The following CFAP61 variants were observed in gnomAD, a reference collection of about 807,000 sequenced individuals.
CFAP61 encodes the protein cilia- and flagella-associated protein 61.
In CFAP61, 107 loss-of-function variants were observed where a neutral mutation model predicts 135.6. The observed-to-expected ratio is 0.79, with a 90% confidence interval of 0.67 to 0.93. The LOEUF is 0.93. Among genes scored for constraint, CFAP61 ranks in the 40% least tolerant of loss-of-function variants. The pLI is 0.00. For synonymous variants in CFAP61, 575 were observed against 578.5 expected, an observed-to-expected ratio of 0.99 and a Z score of 0.09; for missense variants, 1,507 against 1,556.2, an observed-to-expected ratio of 0.97 and a Z score of 0.53.
intron 8 of CFAP61, among the ~76,000 whole-genome samples, chr20:20,100,340 T>C (rs2047934285): frequency 6.6e-6 from 1 of 151,964 alleles, no homozygotes; most frequent in African/African-American, 2.4e-5. Context: ...GCCCAGCTAA[T>C]TTTTGTATTT....
At chr20:20,353,810 G>T (rs895132907) in intron 26 of CFAP61, among the ~76,000 whole-genome samples, 1 of 152,186 alleles carries the variant, frequency 6.6e-6, no homozygotes, top group Non-Finnish European at 1.5e-5. Flanking sequence ...TTGTTAGTAT[G>T]GCTGTTATAG....
At chr20:20,115,035 CTTT>C (rs2049043779) in intron 8 of CFAP61, among the ~76,000 whole-genome samples, 1 of 152,026 alleles carries the variant, frequency 6.6e-6, no homozygotes, top group Non-Finnish European at 1.5e-5. Flanking sequence ...CATTGATTGA[CTTT>C]TTTATGTATT....
chr20:20,337,318 A>G (rs137987291), intron 25 of CFAP61, among the ~76,000 whole-genome samples: 3,055 of 13,466 alleles, frequency 0.23, 1,058 homozygotes, highest in South Asian at 0.62. Context: ...GGATGGATGG[A>G]TGGATGGATG....
At chr20:20,103,629 C>T (rs1051011015) in intron 8 of CFAP61, among the ~76,000 whole-genome samples, 2 of 152,178 alleles carry the variant, frequency 1.3e-5, no homozygotes, top group Admixed American at 6.5e-5. Context: ...TTATTGAATA[C>T]ATATCAAGAT....
rs375364921 is a variant in CFAP61, at chr20:20,169,362, C to T, written c.1287C>T (p.Pro429=). ...FCVISLPHLT[P]EFFLIQNFVK... ...TAATTTCTCTGCCCCATCTCACCCC[C>T]GAGTTCTTCCTCATCCAGAACTTCG... The change falls in exon 13 of 27, where the codon CCC becomes CCT. Residue 429 remains proline, a synonymous_variant. Transcript: ENST00000245957. 1.5e-5 allele frequency: 25 copies of T among 1,613,678 alleles called. No homozygotes were observed. Among genetic ancestry groups the T allele is most frequent in the Admixed American group, 5.0e-5 (3 of 59,980 alleles).
In CFAP61 at chr20:20,098,748, C is replaced by G. The variant is rs759053384; in HGVS notation, c.793C>G (p.Leu265Val). 1 of 1,614,046 alleles carries G rather than the reference C, an allele frequency of 6.2e-7. No homozygotes were observed. Among genetic ancestry groups the G allele is most frequent in the Non-Finnish European group, 8.5e-7 (1 of 1,179,998 alleles). Residue 265 changes from leucine (L) to valine (V), a missense_variant, in exon 8 of 27, where the codon CTC becomes GTC. Transcript: ENST00000245957. The stretch of plus-strand genomic sequence containing the variant: ...CTTTGACTTGGGCCCTTTCCACGGA[C>G]TCTGTTTCCCACATCCTGATGACGT... ...ECFDLGPFHG[L>V]CFPHPDDVLE... is the part of the protein sequence containing the mutation.
At chr20:20,071,139 T>G in intron 3 of CFAP61, 135 bp downstream of exon 3, 1 of 918,582 alleles carries the variant, frequency 1.1e-6, no homozygotes, top group South Asian at 1.9e-5. Flanking sequence ...AGGGAGCTGG[T>G]GGGGAGGAAA....
At chr20:20,228,657 C>A (rs1016410650) in intron 18 of CFAP61, 2 of 269,422 alleles carry the variant, frequency 7.4e-6, no homozygotes, top group Non-Finnish European at 7.2e-6. Flanking sequence ...TTTTGTGCTA[C>A]AATAGCAGAT....
At chr20:20,074,447 A>G (rs564481545) in intron 4 of CFAP61, 69 bp downstream of exon 4, 1 of 1,350,918 alleles carries the variant, frequency 7.4e-7, no homozygotes, top group Non-Finnish European at 1.1e-6. Flanking sequence ...AATATTTTTT[A>G]AAAGACATGA....
At chr20:20,116,887 T>C (rs2049185941) in intron 8 of CFAP61, among the ~76,000 whole-genome samples, 1 of 152,192 alleles carries the variant, frequency 6.6e-6, no homozygotes, top group Non-Finnish European at 1.5e-5. Context: ...ACTCCTGGGC[T>C]GAAGTGATAT....
At chr20:20,249,052 G>C (rs1449768500) in intron 19 of CFAP61, among the ~76,000 whole-genome samples, 2 of 152,120 alleles carry the variant, frequency 1.3e-5, no homozygotes, top group Non-Finnish European at 2.9e-5. Context: ...GCCTAGTGGA[G>C]GTATTTCTCT....
At chr20:20,175,478 T>G (rs13037006) in intron 13 of CFAP61, among the ~76,000 whole-genome samples, 66,545 of 148,186 alleles carry the variant, frequency 0.45, 15,759 homozygotes, top group Middle Eastern at 0.57. Flanking sequence ...GGGCTTCTGG[T>G]TTTTTTTTTG....
intron 26 of CFAP61, among the ~76,000 whole-genome samples, chr20:20,345,883 CTTTTTTTTTTTTTTTTT>C (rs756813997): frequency 2.0e-5 from 1 of 50,428 alleles, no homozygotes; most frequent in Admixed American, 3.6e-4. Flanking sequence ...GATTGTGCCA[CTTTTTTTTTTTTTTTTT>C]TTTTTTTTTT....
At chr20:20,181,930 G>A (rs2055130238) in intron 13 of CFAP61, among the ~76,000 whole-genome samples, 3 of 152,204 alleles carry the variant, frequency 2.0e-5, no homozygotes, top group African/African-American at 7.2e-5. Context: ...CCACCATAAT[G>A]GCTAAAATGA....
chr20:20,301,303 A>G (rs1025119352), intron 25 of CFAP61, among the ~76,000 whole-genome samples: 2 of 152,204 alleles, frequency 1.3e-5, no homozygotes, highest in African/African-American at 4.8e-5. Context: ...AGTATTCAGT[A>G]TAGAAACCTG....
At chr20:20,262,654 G>A (rs932283819) in intron 20 of CFAP61, among the ~76,000 whole-genome samples, 6 of 152,150 alleles carry the variant, frequency 3.9e-5, no homozygotes, top group Non-Finnish European at 8.8e-5. Context: ...TCCCCACCTT[G>A]CCCTGTCTGA....
In CFAP61 at chr20:20,074,389, A is replaced by G. The variant is rs776260921; in HGVS notation, c.371+11A>G. On this transcript the variant is annotated intron_variant, in intron 4 of 26. Transcript: ENST00000245957. ...CAAAGAGATTCTTCGGTGAGTGGAT[A>G]TGGCCGTGCAGTGGTGAACATGAAA... The G allele has an allele frequency of 4.3e-6, 7 of 1,610,496 alleles. No homozygotes were observed. Among genetic ancestry groups the G allele is most frequent in the Non-Finnish European group, 4.2e-6 (5 of 1,176,788 alleles).
intron 2 of CFAP61, among the ~76,000 whole-genome samples, chr20:20,067,753 TTATATTATTA>T (rs1461068138): frequency 7.0e-6 from 1 of 142,202 alleles, no homozygotes; most frequent in South Asian, 2.2e-4. Flanking sequence ...TAATATATAT[TTATATTATTA>T]TATATGTATT....
chr20:20,166,087 C>A (rs934838231), intron 11 of CFAP61, among the ~76,000 whole-genome samples: 5 of 152,190 alleles, frequency 3.3e-5, no homozygotes, highest in Non-Finnish European at 7.3e-5. Context: ...ATATTTCCCA[C>A]CTCTCCTCTT....
Sources: gnomAD v4.1 joint callset for allele counts (sites outside exome capture counted in the v4.1 genomes callset) on GRCh38, gnomAD v4.1.1 for gene constraint, MANE v1.5 for transcripts, NCBI Gene and HGNC (gene_info 2026-07-23, HGNC 2026-07-21) for gene names.